The following EP400 variants were observed in gnomAD, a reference collection of about 807,000 sequenced individuals.
EP400 encodes E1A-binding protein p400.
In EP400, 105 loss-of-function variants were observed where a neutral mutation model predicts 354.1. That is an observed-to-expected ratio of 0.30 (90% confidence interval 0.25 to 0.35). The LOEUF is 0.35. EP400 is among the 10% of genes least tolerant of loss of function. The probability of loss-of-function intolerance (pLI) is 1.00; values close to 1 mark genes in which losing one functional copy is unlikely to be tolerated. For synonymous variants in EP400, 1,646 were observed against 1,716.9 expected (o/e 0.96, Z 1.02); for missense variants, 3,280 against 4,121.0 (o/e 0.80, Z 5.59).
rs368752989 is a variant in EP400 at position 132,027,230 on chromosome 12, C to T, written c.5015-207C>T. 9.8e-5 allele frequency among the ~76,000 whole-genome samples: 15 copies of T among 152,354 alleles called. No homozygotes were observed. The highest frequency in any genetic ancestry group is 1.3e-4 in the Non-Finnish European group (9 of 68,036). Reference sequence around the variant, plus strand: ...CATGGCCTGCGAGCCAGCATGCTTCCGTGGCAGGTCTAAAGCATTTAAGTT... The same window carrying T: ...CATGGCCTGCGAGCCAGCATGCTTCTGTGGCAGGTCTAAAGCATTTAAGTT... On this transcript the variant is annotated intron_variant, in intron 25 of 52. Coordinates refer to ENST00000389561, the MANE Select transcript of EP400 (RefSeq NM_015409.5). This position sits in a 1 kb window ranked among gnomAD's most constrained non-coding sequence, Gnocchi z 4.9.
At chr12:131,968,152 G>A (rs1043137555) in intron 2 of EP400, among the ~76,000 whole-genome samples, 2 of 152,012 alleles carry the variant, frequency 1.3e-5, no homozygotes, top group Admixed American at 6.6e-5. Flanking sequence ...TGCTTTTGAT[G>A]CCATATCTAA....
intron 30 of EP400, among the ~76,000 whole-genome samples, chr12:132,035,210 G>T (rs1230628784): frequency 6.6e-6 from 1 of 152,134 alleles, no homozygotes; most frequent in Non-Finnish European, 1.5e-5. Flanking sequence ...TCATGCCCCG[G>T]ACAGGTGAGA....
intron 52 of EP400, 26 bp downstream of exon 52, chr12:132,076,619 C>A: frequency 6.3e-7 from 1 of 1,584,404 alleles, no homozygotes; most frequent in Non-Finnish European, 8.6e-7. Flanking sequence ...AAAGTGGAAA[C>A]CTCACATTTC....
At chr12:132,045,002 G>A (rs775879631) in intron 37 of EP400, 49 bp downstream of exon 37, 1 of 1,603,806 alleles carries the variant, frequency 6.2e-7, no homozygotes, top group Non-Finnish European at 8.5e-7. Context: ...CTGGCCTGCA[G>A]AATCCCTGCA....
intron 12 of EP400, among the ~76,000 whole-genome samples, chr12:131,997,199 C>T (rs1258008270): frequency 2.0e-5 from 3 of 152,178 alleles, no homozygotes; most frequent in East Asian, 3.9e-4. Flanking sequence ...TACTAATAGC[C>T]TACTGTTGAC....
chr12:131,983,529 CAGGG>C (rs1211033539), intron 5 of EP400, among the ~76,000 whole-genome samples: 8 of 152,252 alleles, frequency 5.3e-5, no homozygotes, highest in Non-Finnish European at 1.2e-4. Flanking sequence ...AGGGCACTGA[CAGGG>C]AGGCCGGGGA....
At chr12:131,957,059 C>T (rs1891727005) in intron 1 of EP400, among the ~76,000 whole-genome samples, 2 of 151,800 alleles carry the variant, frequency 1.3e-5, no homozygotes, top group Non-Finnish European at 2.9e-5. Context: ...TTAATAGAGA[C>T]AGGGTTTTAC....
At chr12:131,964,139 A>T (rs1025655955) in intron 2 of EP400, among the ~76,000 whole-genome samples, 5 of 152,152 alleles carry the variant, frequency 3.3e-5, no homozygotes, top group African/African-American at 4.8e-5. Context: ...ATTATTTTTA[A>T]TTTTTTGCAA....
At chr12:132,000,203 T>G (rs1893361179) in intron 12 of EP400, among the ~76,000 whole-genome samples, 1 of 152,104 alleles carries the variant, frequency 6.6e-6, no homozygotes. Context: ...ATTTTCTGAT[T>G]TCCCCTGTAT....
At chr12:132,021,053 G>A (rs1894106160) in intron 22 of EP400, 26 bp from the exon 23 acceptor site, 1 of 1,565,042 alleles carries the variant, frequency 6.4e-7, no homozygotes, top group African/African-American at 1.4e-5. Flanking sequence ...TAACAGCTTT[G>A]CACAAACAAA....
intron 22 of EP400, among the ~76,000 whole-genome samples, chr12:132,020,662 C>T (rs1278605534): frequency 2.6e-5 from 4 of 152,262 alleles, no homozygotes. Flanking sequence ...GGGCCCTCCA[C>T]GCCATGTCCA....
At chr12:131,998,934 C>G (rs1379895728) in intron 12 of EP400, among the ~76,000 whole-genome samples, 2 of 145,414 alleles carry the variant, frequency 1.4e-5, no homozygotes, top group Non-Finnish European at 3.1e-5. Flanking sequence ...TATACAAAGT[C>G]TTTGTATACT....
intron 39 of EP400, among the ~76,000 whole-genome samples, chr12:132,049,911 G>A (rs919788507): frequency 6.6e-6 from 1 of 152,240 alleles, no homozygotes; most frequent in African/African-American, 2.4e-5. Context: ...CAGCCTCACT[G>A]TCCACCGTGG....
intron 43 of EP400, 56 bp downstream of exon 43, chr12:132,053,653 A>C (rs578165389): frequency 6.9e-7 from 1 of 1,440,322 alleles, no homozygotes; most frequent in Non-Finnish European, 9.1e-7. Context: ...CCACACCTGC[A>C]CTTGATTCAA....
chr12:131,960,117 C>T (rs991583157), intron 1 of EP400, among the ~76,000 whole-genome samples: 4 of 152,194 alleles, frequency 2.6e-5, no homozygotes, highest in African/African-American at 9.7e-5. Flanking sequence ...GAGAGACGGG[C>T]GGAAGCCGGA....
In EP400 at chr12:132,079,663, A is replaced by C. The variant is rs899447347; in HGVS notation, c.*1990A>C. 1.3e-5 allele frequency: 2 copies of C among 152,246 alleles called. No homozygotes were observed. Among genetic ancestry groups the C allele is most frequent in the Admixed American group, 6.5e-5 (1 of 15,292 alleles). 9.4% of individuals were successfully genotyped at this position (152,246 alleles called of 1,614,324 possible). Reference sequence around the variant, plus strand: ...CTATTAATCTAAAACACTACAAGAGAATTTAACACCATCTCTCAAATGCTT... The same window carrying C: ...CTATTAATCTAAAACACTACAAGAGCATTTAACACCATCTCTCAAATGCTT... On this transcript the variant is annotated 3_prime_UTR_variant, in exon 53 of 53. Transcript: ENST00000389561.
intron 1 of EP400, among the ~76,000 whole-genome samples, chr12:131,952,936 A>G (rs1220344867): frequency 6.6e-6 from 1 of 152,128 alleles, no homozygotes; most frequent in African/African-American, 2.4e-5. Flanking sequence ...AGAGCTCGTT[A>G]AGAGTTCCTT....
chr12:132,001,558 C>T (rs904355815), intron 12 of EP400, among the ~76,000 whole-genome samples: 1 of 152,154 alleles, frequency 6.6e-6, no homozygotes, highest in Non-Finnish European at 1.5e-5. Context: ...ATGTCAGGGC[C>T]TCCACAAGAG....
rs1214449476 is a variant in EP400 at position 132,077,699 on chromosome 12, C to T, written c.*26C>T. 1 of 1,552,184 alleles carries T rather than the reference C, an allele frequency of 6.4e-7. No homozygotes were observed. Among genetic ancestry groups the T allele is most frequent in the East Asian group, 2.3e-5 (1 of 44,260 alleles). ...TCAGGGCAGCAGGGCTGCCTCTCAT[C>T]TAAAGCAAAACTACCTTCCTCACAG... On this transcript the variant is annotated 3_prime_UTR_variant, in exon 53 of 53. Coordinates refer to ENST00000389561, the MANE Select transcript of EP400 (RefSeq NM_015409.5).
Sources: allele counts gnomAD v4.1 joint callset (sites outside exome capture counted in the v4.1 genomes callset), GRCh38; gene constraint gnomAD v4.1.1; non-coding constraint Gnocchi (gnomAD v3.1); transcripts MANE v1.5; gene names NCBI Gene and HGNC (gene_info 2026-07-23, HGNC 2026-07-21).